IDUA: variants seen among roughly 807,000 people sequenced by gnomAD.
IDUA encodes the protein iduronidase alpha-L-.
A neutral mutation model predicts 68.9 loss-of-function variants in IDUA; 65 were observed. The ratio of observed to expected loss-of-function variants is 0.94; its 90% CI spans 0.77 to 1.16. IDUA has a LOEUF of 1.16. Ranked by LOEUF, IDUA falls within the 50% of genes most tolerant of loss-of-function variation. IDUA has a pLI of 0.00. For synonymous variants in IDUA, 529 were observed against 433.6 expected (o/e 1.22, Z -2.73); for missense variants, 1,046 against 938.0 (o/e 1.12, Z -1.50).
intron 2 of IDUA, chr4:988,609 C>G: frequency 7.3e-7 from 1 of 1,374,044 alleles, no homozygotes; most frequent in Non-Finnish European, 9.4e-7. Flanking sequence ...GTGGGCCAGC[C>G]TGTCTCGGAG....
Position 987,074 on chromosome 4 carries a change from C to G in IDUA, c.-11C>G, listed in dbSNP as rs760459772. The stretch of plus-strand genomic sequence containing the variant: ...AGCCCGAAGCCCCGCAGTCCCCGAG[C>G]ACGCGTGGCCATGCGTCCCCTGCGC... On this transcript the variant is annotated 5_prime_UTR_variant, in exon 1 of 14. Coordinates refer to ENST00000514224, the MANE Select transcript of IDUA (RefSeq NM_000203.5). The G allele has an allele frequency of 3.3e-6, 5 of 1,497,632 alleles. No homozygotes were observed. Among genetic ancestry groups the G allele is most frequent in the Non-Finnish European group, 4.4e-6 (5 of 1,131,650 alleles). 92.8% of individuals were successfully genotyped at this position (1,497,632 alleles called of 1,614,324 possible). A position where few individuals can be genotyped will look rare whatever the true frequency, so the allele number is the denominator to read the frequency against.
intron 9 of IDUA, 23 bp downstream of exon 9, chr4:1,002,967 T>C (rs1324522850): frequency 7.3e-7 from 1 of 1,372,366 alleles, no homozygotes. Flanking sequence ...TCCAGGGAGG[T>C]CTCTGGCCCC....
Position 1,004,477 on chromosome 4 carries a change from A to AC in IDUA, c.*89dup. ...ACTGTGCCCATGCTGCCCTCCCATC[A>AC]CCCCCTTTGCAATATATTTTTATAT... On this transcript the variant is annotated 3_prime_UTR_variant, in exon 14 of 14. Transcript: ENST00000514224. The surrounding 1 kb of genome is among the most constrained non-coding windows in gnomAD (Gnocchi z 5.0). 1 of 1,310,994 alleles carries AC rather than the reference A, an allele frequency of 7.6e-7. No individual in the cohort carries two copies. The highest frequency in any genetic ancestry group is 1.1e-6 in the Non-Finnish European group (1 of 935,876). The allele number at this position is 1,310,994 out of a possible 1,614,324, so 81.2% of individuals were successfully genotyped here.
At position 1,003,102 on chromosome 4, in the gene IDUA, T is replaced by A; in HGVS notation, c.1469T>A (p.Leu490Gln). The A allele has an allele frequency of 1.3e-6, 2 of 1,512,818 alleles. No individual in the cohort carries two copies. The highest frequency in any genetic ancestry group is 1.2e-5 in the South Asian group (1 of 81,180). 93.7% of individuals were successfully genotyped at this position (1,512,818 alleles called of 1,614,324 possible). The change falls in exon 10 of 14, where the codon CTG becomes CAG. Residue 490 changes from leucine (L) to glutamine (Q), a missense_variant. Physicochemically the swap from Leu to Gln is moderately radical, Grantham distance 113. Coordinates refer to ENST00000514224, the MANE Select transcript of IDUA (RefSeq NM_000203.5). ...AGCCCCGACGGCGAGTGGCGGCGCC[T>A]GGGCCGGCCCGTCTTCCCCACGGCA... ...LCSPDGEWRR[L>Q]GRPVFPTAEQ...
intron 2 of IDUA, chr4:991,993 C>A: frequency 1.4e-6 from 1 of 691,106 alleles, no homozygotes. Flanking sequence ...CTGAGGCCAG[C>A]AGTGCTGAGG....
chr4:1,002,776 C>T lies in IDUA; in HGVS notation c.1234C>T (p.Leu412=), dbSNP rs2153022589. Residue 412 remains leucine, a synonymous_variant, in exon 9 of 14, where the codon CTG becomes TTG. Coordinates refer to ENST00000514224, the MANE Select transcript of IDUA (RefSeq NM_000203.5). ...CGAAGTGTCGCAGGCCGGGACCGTC[C>T]TGGACAGCAACCACACGGTGGGCGT... ...WAEVSQAGTV[L]DSNHTVGVLA... 6.8e-7 allele frequency: 1 copy of T among 1,477,262 alleles called. No homozygotes were observed. Among genetic ancestry groups the T allele is most frequent in the Non-Finnish European group, 8.9e-7 (1 of 1,120,430 alleles). 91.5% of individuals were successfully genotyped at this position (1,477,262 alleles called of 1,614,324 possible).
intron 2 of IDUA, chr4:990,097 G>A: frequency 6.3e-7 from 1 of 1,595,244 alleles, no homozygotes; most frequent in East Asian, 2.3e-5. Context: ...GTAGCGGTCT[G>A]AGAGCTCCTT....
chr4:988,356 A>AG, intron 2 of IDUA: 1 of 1,081,976 alleles, frequency 9.2e-7, no homozygotes, highest in Non-Finnish European at 1.1e-6. Flanking sequence ...ACGAGGTGTG[A>AG]GGGGCACTTG....
chr4:991,836 AGGGCC>A, intron 2 of IDUA: 1 of 1,530,538 alleles, frequency 6.5e-7, no homozygotes. Flanking sequence ...TCGCCCACCC[AGGGCC>A]GGGGATTGGT....
Position 1,004,049 on chromosome 4 carries a change from G to A in IDUA, c.1765G>A (p.Gly589Ser), listed in dbSNP as rs144941693. The change falls in exon 13 of 14, where the codon GGT becomes AGT. Residue 589 changes from glycine to serine, a missense_variant. Gly to Ser is a moderately conservative substitution (Grantham distance 56). Coordinates refer to ENST00000514224, the MANE Select transcript of IDUA (RefSeq NM_000203.5). The surrounding 1 kb of genome is among the most constrained non-coding windows in gnomAD (Gnocchi z 5.0). ...WTYEIQFSQD[G>S]KAYTPVSRKP... ...ATACGAGATCCAGTTCTCTCAGGAC[G>A]GTAAGGCGTACACCCCGGTCAGCAG... 413 of 1,612,110 alleles carry A rather than the reference G, an allele frequency of 2.6e-4. No homozygotes were observed. Among genetic ancestry groups the A allele is most frequent in the Non-Finnish European group, 3.3e-4 (387 of 1,179,678 alleles).
chr4:988,601 G>A (rs551488802), intron 2 of IDUA: 1 of 1,376,486 alleles, frequency 7.3e-7, no homozygotes, highest in Non-Finnish European at 9.3e-7. Context: ...CCAGCACTGT[G>A]GGCCAGCCTG....
chr4:1,000,432 A>G (rs1715002586), intron 2 of IDUA, among the ~76,000 whole-genome samples, 180 bp from the exon 3 acceptor site: 2 of 152,184 alleles, frequency 1.3e-5, no homozygotes, highest in Admixed American at 1.3e-4. Flanking sequence ...CAGATACTCT[A>G]GTTCATACCA....
At chr4:997,686 A>G (rs1223711619) in intron 2 of IDUA, among the ~76,000 whole-genome samples, 1 of 151,942 alleles carries the variant, frequency 6.6e-6, no homozygotes, top group East Asian at 1.9e-4. Flanking sequence ...TGCGCGCTCC[A>G]TCTCGCCGGC....
intron 2 of IDUA, among the ~76,000 whole-genome samples, chr4:994,442 AT>A (rs199656889): frequency 0.14 from 20,406 of 142,438 alleles, 1,433 homozygotes; most frequent in East Asian, 0.3. Flanking sequence ...CGCCCGGCTA[AT>A]TTTTTTTTTT....
Position 1,004,009 on chromosome 4 carries a change from C to T in IDUA, c.1728-3C>T, listed in dbSNP as rs1189340410. 4 of 1,611,008 alleles carry T rather than the reference C, an allele frequency of 2.5e-6. No homozygotes were observed. Among genetic ancestry groups the T allele is most frequent in the East Asian group, 2.2e-5 (1 of 44,854 alleles). On this transcript the variant is annotated splice_region_variant and splice_polypyrimidine_tract_variant and intron_variant, in intron 12 of 13. Coordinates refer to ENST00000514224, the MANE Select transcript of IDUA (RefSeq NM_000203.5). The surrounding 1 kb of genome is among the most constrained non-coding windows in gnomAD (Gnocchi z 5.0). ...AGCCTTGTTCTTGGCCTGACCTCCCCAGGTGCCTGTGGACATACGAGATCC... is the reference window on the plus strand; with the variant it reads ...AGCCTTGTTCTTGGCCTGACCTCCCTAGGTGCCTGTGGACATACGAGATCC...
chr4:998,885 C>A (rs926967047), intron 2 of IDUA, among the ~76,000 whole-genome samples: 2 of 151,104 alleles, frequency 1.3e-5, no homozygotes, highest in Admixed American at 6.6e-5. Context: ...CTCTGGGCAA[C>A]CCCCATGGCC....
intron 2 of IDUA, among the ~76,000 whole-genome samples, chr4:995,513 C>T (rs752631519): frequency 2.0e-5 from 3 of 152,188 alleles, no homozygotes; most frequent in Non-Finnish European, 4.4e-5. Flanking sequence ...CAGGAGGCTG[C>T]GGTGGGTCCC....
In IDUA at chr4:1,003,084, A is replaced by G; in HGVS notation, c.1451A>G (p.Asp484Gly). ...RYLDNGLCSP[D>G]GEWRRLGRPV... is the part of the protein sequence containing the mutation. ...CTGGACAACGGGCTCTGCAGCCCCG[A>G]CGGCGAGTGGCGGCGCCTGGGCCGG... The change falls in exon 10 of 14, where the codon GAC becomes GGC. Residue 484 changes from aspartate (D) to glycine (G), a missense_variant. Coordinates refer to ENST00000514224, the MANE Select transcript of IDUA (RefSeq NM_000203.5). 1.3e-6 allele frequency: 2 copies of G among 1,520,884 alleles called. No homozygotes were observed. The highest frequency in any genetic ancestry group is 1.8e-6 in the Non-Finnish European group (2 of 1,142,778). 94.2% of individuals were successfully genotyped at this position (1,520,884 alleles called of 1,614,324 possible).
chr4:994,909 G>C (rs1714649499), intron 2 of IDUA, among the ~76,000 whole-genome samples: 1 of 152,148 alleles, frequency 6.6e-6, no homozygotes, highest in Non-Finnish European at 1.5e-5. Context: ...CTAGGCCACA[G>C]AGCAAGAGCC....
Sources: allele counts gnomAD v4.1 joint callset (sites outside exome capture counted in the v4.1 genomes callset), GRCh38; gene constraint gnomAD v4.1.1; non-coding constraint Gnocchi (gnomAD v3.1); transcripts MANE v1.5; gene names NCBI Gene and HGNC (gene_info 2026-07-23, HGNC 2026-07-21).